Variants in MYO18B observed in about 807,000 individuals in gnomAD.
MYO18B encodes myosin XVIIIB.
MYO18B carries 204 observed loss-of-function variants against 273.0 expected under a neutral mutation model. The observed-to-expected ratio is 0.75, with a 90% CI of 0.67 to 0.84. The LOEUF is 0.84. Ranked by LOEUF, MYO18B falls within the 40% of genes least tolerant of loss-of-function variation. MYO18B has a pLI of 0.00. For missense variants in MYO18B, 3,212 were observed against 3,287.6 expected (o/e 0.98, Z 0.56); for synonymous variants, 1,330 against 1,305.7 (o/e 1.02, Z -0.40).
At chr22:25,975,454 A>G (rs2093079467) in intron 39 of MYO18B, among the ~76,000 whole-genome samples, 1 of 152,218 alleles carries the variant, frequency 6.6e-6, no homozygotes, top group Non-Finnish European at 1.5e-5. Flanking sequence ...CATTTACTGT[A>G]TGTCTACTAT....
At chr22:26,025,573 T>C (rs533313360) in intron 42 of MYO18B, among the ~76,000 whole-genome samples, 67 of 152,338 alleles carry the variant, frequency 4.4e-4, no homozygotes, top group South Asian at 2.7e-3. Flanking sequence ...GCCAACACTC[T>C]GACATTTGGC....
At chr22:25,876,420 C>T in intron 24 of MYO18B, 88 bp downstream of exon 24, 1 of 1,396,794 alleles carries the variant, frequency 7.2e-7, no homozygotes, top group Admixed American at 2.6e-5. Context: ...TGCCCCTATT[C>T]CTGAATGTTC....
intron 28 of MYO18B, chr22:25,896,325 A>G (rs1345761643): frequency 6.6e-6 from 1 of 152,104 alleles, no homozygotes; most frequent in Non-Finnish European, 1.5e-5. Context: ...ACTGAGGTGC[A>G]TGCAGTTCTT....
chr22:25,794,012 C>T (rs2087793731), intron 11 of MYO18B, among the ~76,000 whole-genome samples: 1 of 152,036 alleles, frequency 6.6e-6, no homozygotes, highest in Non-Finnish European at 1.5e-5. Flanking sequence ...CGGCTCACTG[C>T]AAACTCCGCC....
chr22:25,828,767 T>C lies in MYO18B; in HGVS notation c.2787-9T>C. ...TCTCAGACATTCCACCTCTCTCTTCTCTCCCTAGATCCTTTTCCTCCCACC... is the reference window on the plus strand; with the variant it reads ...TCTCAGACATTCCACCTCTCTCTTCCCTCCCTAGATCCTTTTCCTCCCACC... On this transcript the variant is annotated splice_polypyrimidine_tract_variant and intron_variant, in intron 14 of 43. Coordinates refer to ENST00000335473, the MANE Select transcript of MYO18B (RefSeq NM_032608.7). 2.5e-6 allele frequency: 4 copies of C among 1,610,032 alleles called. No individual in the cohort carries two copies. In the South Asian group the frequency reaches 3.3e-5, roughly 13 times the overall value.
intron 33 of MYO18B, among the ~76,000 whole-genome samples, chr22:25,911,441 T>C (rs5997000): frequency 0.065 from 9,940 of 152,196 alleles, 1,114 homozygotes; most frequent in African/African-American, 0.23. Flanking sequence ...AGCTTTAAGC[T>C]CCAGAGGGAC....
chr22:25,984,260 T>C (rs2146805021), intron 39 of MYO18B, among the ~76,000 whole-genome samples: 1 of 152,258 alleles, frequency 6.6e-6, no homozygotes, highest in East Asian at 1.9e-4. Context: ...TGCTTCAGGG[T>C]TCATCTTGTT....
At chr22:25,946,894 A>T (rs2092718501) in intron 35 of MYO18B, among the ~76,000 whole-genome samples, 1 of 152,196 alleles carries the variant, frequency 6.6e-6, no homozygotes, top group South Asian at 2.1e-4. Context: ...TCACCCCTGA[A>T]TGGGGACACA....
intron 42 of MYO18B, among the ~76,000 whole-genome samples, chr22:26,017,361 T>C (rs1263117029): frequency 6.6e-6 from 1 of 151,866 alleles, no homozygotes; most frequent in African/African-American, 2.4e-5. Flanking sequence ...CCTTCCTTCC[T>C]CCCTTCCTTC....
intron 40 of MYO18B, among the ~76,000 whole-genome samples, chr22:25,995,941 A>G (rs751547749): frequency 1.2e-4 from 18 of 152,204 alleles, no homozygotes; most frequent in Non-Finnish European, 2.5e-4. Context: ...CATCACCTGC[A>G]TTTCAGAGTT....
chr22:25,793,607 A>C lies in MYO18B; in HGVS notation c.2377-4346A>C, dbSNP rs982254386. On this transcript the variant is annotated intron_variant, in intron 11 of 43. Coordinates refer to ENST00000335473, the MANE Select transcript of MYO18B (RefSeq NM_032608.7). ...GGGCAAGGGACTTTTGCAAAGTCACATGGTTGGGAGTGCAGAGTCTAGAGG... is the reference window on the plus strand; with the variant it reads ...GGGCAAGGGACTTTTGCAAAGTCACCTGGTTGGGAGTGCAGAGTCTAGAGG... Among the ~76,000 whole-genome samples, 3 of 152,260 alleles carry C rather than the reference A, an allele frequency of 2.0e-5. No individual in the cohort carries two copies. In the South Asian group the frequency reaches 6.2e-4, roughly 32 times the overall value.
intron 39 of MYO18B, among the ~76,000 whole-genome samples, chr22:25,977,829 A>G (rs1045762321): frequency 1.3e-5 from 2 of 152,208 alleles, no homozygotes; most frequent in Non-Finnish European, 2.9e-5. Context: ...AGCTAGTCCT[A>G]TAGCACAACA....
chr22:26,045,189 G>A, the MYO18B span, among the ~76,000 whole-genome samples: 1 of 151,962 alleles, frequency 6.6e-6, no homozygotes, highest in Non-Finnish European at 1.5e-5. Context: ...CATCTCCATG[G>A]AAACACACCT....
chr22:25,888,792 C>G (rs930266572), intron 25 of MYO18B, among the ~76,000 whole-genome samples: 3 of 152,168 alleles, frequency 2.0e-5, no homozygotes, highest in African/African-American at 2.4e-5. Flanking sequence ...TTCCCCCAAG[C>G]CTTCTTTCTC....
chr22:26,027,479 C>G lies in MYO18B; in HGVS notation c.7505C>G (p.Pro2502Arg), dbSNP rs1042348577. ...AAGAGCCCGGAGCCCAAGGAGGATCCCGCTCACCTGTCTGACTCGTCCTCA... is the reference window on the plus strand; with the variant it reads ...AAGAGCCCGGAGCCCAAGGAGGATCGCGCTCACCTGTCTGACTCGTCCTCA... ...LKKSPEPKED[P>R]AHLSDSSSSS... Residue 2502 changes from proline to arginine, a missense_variant, in exon 43 of 44, where the codon CCC becomes CGC. Coordinates refer to ENST00000335473, the MANE Select transcript of MYO18B (RefSeq NM_032608.7). The surrounding 1 kb of genome is among the most constrained non-coding windows in gnomAD (Gnocchi z 4.1). 5.0e-6 allele frequency: 8 copies of G among 1,613,814 alleles called. No homozygotes were observed. The African/African-American group carries it at 1.1e-4, about 22-fold the overall frequency.
intron 12 of MYO18B, among the ~76,000 whole-genome samples, chr22:25,803,542 C>T (rs1310977784): frequency 2.0e-5 from 3 of 152,132 alleles, no homozygotes; most frequent in Non-Finnish European, 2.9e-5. Context: ...AGAGGCAGAG[C>T]GGTTCTGTGA....
intron 33 of MYO18B, among the ~76,000 whole-genome samples, chr22:25,919,243 C>T (rs2092306117): frequency 6.6e-6 from 1 of 152,106 alleles, no homozygotes; most frequent in Admixed American, 6.5e-5. Context: ...TCTGTGCCCC[C>T]ATAATATATA....
At chr22:25,755,891 A>G (rs1328055895) in intron 1 of MYO18B, among the ~76,000 whole-genome samples, 4 of 150,404 alleles carry the variant, frequency 2.7e-5, no homozygotes, top group African/African-American at 9.8e-5. Flanking sequence ...AGCCAGTTGA[A>G]CTTTTTTCTT....
intron 1 of MYO18B, among the ~76,000 whole-genome samples, chr22:25,744,606 T>C (rs535939596): frequency 2.4e-4 from 37 of 151,658 alleles, no homozygotes; most frequent in South Asian, 6.3e-4. Context: ...TGGTGGTGGG[T>C]GCCTGTAGTC....
Sources: gnomAD v4.1 joint callset for allele counts (sites outside exome capture counted in the v4.1 genomes callset) on GRCh38, gnomAD v4.1.1 for gene constraint, Gnocchi (gnomAD v3.1) non-coding constraint, MANE v1.5 for transcripts, NCBI Gene and HGNC (gene_info 2026-07-23, HGNC 2026-07-21) for gene names.